CA4: variants seen among roughly 807,000 people sequenced by gnomAD.
CA4 encodes the protein CA-IV.
Under a neutral mutation model 34.5 loss-of-function variants are expected in CA4, and 24 were observed. That is an observed-to-expected ratio of 0.70 (90% CI 0.50 to 0.98). The LOEUF (loss-of-function observed/expected upper bound fraction) is 0.98, where lower values mean the gene tolerates loss of function less well. Among genes scored for constraint, CA4 ranks in the 50% least tolerant of loss-of-function variants. The pLI, the probability that CA4 is intolerant of heterozygous loss-of-function variation, is 0.00. For synonymous variants in CA4, 178 were observed against 170.6 expected, an observed-to-expected ratio of 1.04 and a Z score of -0.34; for missense variants, 394 against 396.7, an observed-to-expected ratio of 0.99 and a Z score of 0.06.
chr17:60,151,022 C>T (rs1474920435), intron 1 of CA4, among the ~76,000 whole-genome samples: 1 of 152,114 alleles, frequency 6.6e-6, no homozygotes, highest in African/African-American at 2.4e-5. Context: ...ATGGTGAAGC[C>T]GAGCTCTTAA....
intron 5 of CA4, among the ~76,000 whole-genome samples, chr17:60,169,355 C>T (rs1380358605): frequency 6.6e-6 from 1 of 151,984 alleles, no homozygotes; most frequent in Admixed American, 6.6e-5. Flanking sequence ...GGAGTGGGGC[C>T]GGAGCTGGCC....
chr17:60,156,457 CTG>C, intron 2 of CA4, 101 bp from the exon 3 acceptor site: 2 of 1,177,884 alleles, frequency 1.7e-6, no homozygotes, highest in Non-Finnish European at 2.5e-6. Flanking sequence ...CAAAGCGTTT[CTG>C]TGTGGGAACT....
intron 1 of CA4, among the ~76,000 whole-genome samples, chr17:60,152,758 T>C (rs1454547056): frequency 1.3e-5 from 2 of 152,222 alleles, no homozygotes; most frequent in Non-Finnish European, 2.9e-5. Flanking sequence ...ACTGTCATGG[T>C]GCAAATGCCC....
chr17:60,168,874 A>G (rs1179813274), intron 5 of CA4, among the ~76,000 whole-genome samples: 8 of 152,198 alleles, frequency 5.3e-5, no homozygotes. Context: ...AGGAGAACCA[A>G]TGAAACCTGA....
chr17:60,157,345 C>T (rs552061258), intron 3 of CA4, 82 bp from the exon 4 acceptor site: 1 of 1,527,568 alleles, frequency 6.5e-7, no homozygotes, highest in African/African-American at 1.4e-5. Context: ...AGACAATGTC[C>T]CATCTGGGTG....
rs66850461 is a variant in CA4 at position 60,150,654 on chromosome 17, T to TA, written c.58+598dup. Among the ~76,000 whole-genome samples the TA allele has an allele frequency of 8.8e-3, 298 of 33,890 alleles. 23 individuals are homozygous for TA. Among genetic ancestry groups the TA allele is most frequent in the Non-Finnish European group, 0.013 (199 of 15,338 alleles). The allele number at this position is 33,890 out of a possible 152,430, so 22.2% of individuals were successfully genotyped here. ...CTGCACTCCAGCCTGGTGCTCCGTT[T>TA]AAAAAAAAAAAAAAAAAAAAAAAAA... On this transcript the variant is annotated intron_variant, in intron 1 of 7. Coordinates refer to ENST00000300900, the MANE Select transcript of CA4 (RefSeq NM_000717.5).
At chr17:60,156,425 C>T in intron 2 of CA4, 135 bp from the exon 3 acceptor site, 1 of 856,346 alleles carries the variant, frequency 1.2e-6, no homozygotes, top group South Asian at 1.3e-5. Context: ...AGCATCCCTG[C>T]AGCACAGCCT....
chr17:60,153,869 C>T lies in CA4; in HGVS notation c.59-1445C>T, dbSNP rs143818004. Among the ~76,000 whole-genome samples, 1,203 of 152,322 alleles carry T rather than the reference C, an allele frequency of 7.9e-3. 21 individuals are homozygous for T. Among genetic ancestry groups the T allele is most frequent in the African/African-American group, 0.028 (1,150 of 41,568 alleles). On this transcript the variant is annotated intron_variant, in intron 1 of 7. Transcript: ENST00000300900. ...GGGATGGGCCATCAGGGGGAGGACA[C>T]TGCAGCTCTGAAAAAGGCGATGCCA...
intron 5 of CA4, among the ~76,000 whole-genome samples, chr17:60,170,119 TGTG>T (rs1432774411): frequency 1.3e-5 from 2 of 152,178 alleles, no homozygotes. Flanking sequence ...CAGATGGACA[TGTG>T]GTATTTGGTT....
chr17:60,157,628 T>TG, intron 4 of CA4, 56 bp downstream of exon 4: 1 of 1,613,926 alleles, frequency 6.2e-7, no homozygotes, highest in Non-Finnish European at 8.5e-7. Flanking sequence ...GCACCTGCCT[T>TG]GGGCAAGGAG....
chr17:60,153,110 G>A (rs2083619653), intron 1 of CA4, among the ~76,000 whole-genome samples: 1 of 152,180 alleles, frequency 6.6e-6, no homozygotes, highest in South Asian at 2.1e-4. Context: ...GGCCGAGGCG[G>A]GTGGATCATT....
intron 1 of CA4, among the ~76,000 whole-genome samples, chr17:60,153,779 C>A (rs555101163): frequency 1.3e-5 from 2 of 152,346 alleles, no homozygotes; most frequent in South Asian, 4.1e-4. Context: ...TCTGCAGAAT[C>A]CACCCACATG....
At chr17:60,176,705 T>C in the CA4 span, among the ~76,000 whole-genome samples, 1 of 152,168 alleles carries the variant, frequency 6.6e-6, no homozygotes, top group Non-Finnish European at 1.5e-5. Flanking sequence ...TGGAGGGATC[T>C]TGTTCTACAC....
Position 60,158,400 on chromosome 17 carries a change from T to C in CA4, c.698T>C (p.Val233Ala). ...ACCACACCGACCTGCGATGAGAAGGTCGTCTGGACTGTGTTCCGGGAGCCC... is the reference window on the plus strand; with the variant it reads ...ACCACACCGACCTGCGATGAGAAGGCCGTCTGGACTGTGTTCCGGGAGCCC... Reference protein sequence around the residue: ...SLTTPTCDEKVVWTVFREPIQ... With the variant: ...SLTTPTCDEKAVWTVFREPIQ... Residue 233 changes from valine to alanine, a missense_variant, in exon 7 of 8, where the codon GTC becomes GCC. Transcript: ENST00000300900. 1 of 1,614,086 alleles carries C rather than the reference T, an allele frequency of 6.2e-7. No homozygotes were observed. Among genetic ancestry groups the C allele is most frequent in the Non-Finnish European group, 8.5e-7 (1 of 1,180,012 alleles).
In CA4 at chr17:60,152,821, T is replaced by C. The variant is rs575680213; in HGVS notation, c.59-2493T>C. Among the ~76,000 whole-genome samples, 12 of 152,352 alleles carry C rather than the reference T, an allele frequency of 7.9e-5. No individual in the cohort carries two copies. In the East Asian group the frequency reaches 2.3e-3, roughly 29 times the overall value. ...GCACTGGGAATTTGGTGGCTGCACC[T>C]GTCAGAGGCGTTTGAACCAGAGTGA... On this transcript the variant is annotated intron_variant, in intron 1 of 7. Transcript: ENST00000300900.
At chr17:60,173,648 T>G (rs1208082095), downstream of CA4, among the ~76,000 whole-genome samples, 3 of 152,224 alleles carry the variant, frequency 2.0e-5, no homozygotes, top group Non-Finnish European at 2.9e-5. Context: ...CTAATGAGAC[T>G]GGAAATAATG....
At chr17:60,170,808 C>G (rs904308339) in exon 6 of CA4, 1 of 152,256 alleles carries the variant, frequency 6.6e-6, no homozygotes, top group African/African-American at 2.4e-5. Context: ...TCATGGTACC[C>G]TGATCCCTTG....
At chr17:60,161,317 G>C (rs2083785887), downstream of CA4, among the ~76,000 whole-genome samples, 1 of 152,138 alleles carries the variant, frequency 6.6e-6, no homozygotes, top group Non-Finnish European at 1.5e-5. Flanking sequence ...CAGGTGCCAG[G>C]AACTGAGGGC....
In CA4 at chr17:60,159,392, C is replaced by CT. The variant is rs1171314382; in HGVS notation, c.908dup (p.Ala304GlyfsTer43). ...CCTGCCTGCCCTGCTGGGCCCCATG[C>CT]TGGCCTGCCTGCTGGCCGGCTTCCT... On this transcript the variant is annotated frameshift_variant, in exon 8 of 8. Transcript: ENST00000300900. LOFTEE classifies it high-confidence loss of function. The CT allele has an allele frequency of 6.2e-7, 1 of 1,612,270 alleles. No individual in the cohort carries two copies. Among genetic ancestry groups the CT allele is most frequent in the African/African-American group, 1.3e-5 (1 of 74,918 alleles).
Sources: allele counts gnomAD v4.1 joint callset (sites outside exome capture counted in the v4.1 genomes callset), GRCh38; gene constraint gnomAD v4.1.1; transcripts MANE v1.5; gene names NCBI Gene and HGNC (gene_info 2026-07-23, HGNC 2026-07-21).